PRRC2B: variants seen among roughly 807,000 people sequenced by gnomAD.
PRRC2B encodes the protein protein PRRC2B.
PRRC2B carries 68 observed loss-of-function variants against 242.3 expected under a neutral mutation model. That is an observed-to-expected ratio of 0.28 (90% CI 0.23 to 0.34). The LOEUF (loss-of-function observed/expected upper bound fraction) is 0.34, where lower values mean the gene tolerates loss of function less well. PRRC2B is among the 10% of genes least tolerant of loss of function. The pLI, the probability that PRRC2B is intolerant of heterozygous loss-of-function variation, is 1.00. For synonymous variants in PRRC2B, 1,228 were observed against 1,173.6 expected (o/e 1.05, Z -0.95); for missense variants, 2,835 against 2,954.8 (o/e 0.96, Z 0.94).
chr9:131,471,296 A>C (rs542802446), intron 14 of PRRC2B, among the ~76,000 whole-genome samples: 189 of 152,222 alleles, frequency 1.2e-3, no homozygotes, highest in African/African-American at 4.5e-3. Flanking sequence ...TTCTTTGATT[A>C]GTCTTTCCCA....
At chr9:131,404,686 T>C (rs532701710) in intron 1 of PRRC2B, among the ~76,000 whole-genome samples, 3 of 152,348 alleles carry the variant, frequency 2.0e-5, no homozygotes, top group South Asian at 4.1e-4. Context: ...AGCATGCTGC[T>C]GCCCTTTCAC....
At chr9:131,410,629 C>T (rs1355348417) in intron 1 of PRRC2B, among the ~76,000 whole-genome samples, 1 of 152,222 alleles carries the variant, frequency 6.6e-6, no homozygotes, top group African/African-American at 2.4e-5. Flanking sequence ...CTTGCGGAGC[C>T]TTCATGTCTA....
At chr9:131,404,159 G>A (rs1837300102) in intron 1 of PRRC2B, among the ~76,000 whole-genome samples, 1 of 151,102 alleles carries the variant, frequency 6.6e-6, no homozygotes, top group Admixed American at 6.6e-5. Context: ...AAATATACAG[G>A]TGTGTAAAAG....
intron 1 of PRRC2B, among the ~76,000 whole-genome samples, chr9:131,377,013 AAAT>A (rs1366053356): frequency 6.6e-6 from 1 of 152,200 alleles, no homozygotes; most frequent in African/African-American, 2.4e-5. Context: ...TCCGTTGAAA[AAAT>A]AAATAAAAAA....
intron 1 of PRRC2B, among the ~76,000 whole-genome samples, chr9:131,408,980 A>C (rs566715407): frequency 2.0e-5 from 3 of 149,244 alleles, no homozygotes; most frequent in African/African-American, 2.5e-5. Flanking sequence ...CGGCCTCCCA[A>C]AGTGCTGGGA....
At chr9:131,422,960 C>G (rs1376942299) in intron 1 of PRRC2B, among the ~76,000 whole-genome samples, 4 of 152,164 alleles carry the variant, frequency 2.6e-5, no homozygotes, top group African/African-American at 9.7e-5. Flanking sequence ...TCAGAATGCT[C>G]TAGCTCCCCG....
intron 25 of PRRC2B, 75 bp downstream of exon 25, chr9:131,485,215 A>G: frequency 8.1e-7 from 1 of 1,239,598 alleles, no homozygotes; most frequent in African/African-American, 1.5e-5. Flanking sequence ...ACAGCCCCGA[A>G]TGTCACCTCC....
intron 6 of PRRC2B, among the ~76,000 whole-genome samples, 193 bp downstream of exon 6, chr9:131,444,521 T>C (rs1838723649): frequency 6.6e-6 from 1 of 152,142 alleles, no homozygotes. Flanking sequence ...CCTTGTGCCT[T>C]TTTTGTCTCT....
chr9:131,477,711 G>T, intron 16 of PRRC2B, 33 bp from the exon 17 acceptor site: 1 of 1,402,868 alleles, frequency 7.1e-7, no homozygotes, highest in Non-Finnish European at 9.9e-7. Flanking sequence ...TCCTTCCCCA[G>T]CTCTGGTTAA....
intron 13 of PRRC2B, 142 bp downstream of exon 13, chr9:131,467,895 G>A (rs149955813): frequency 3.8e-5 from 30 of 782,094 alleles, no homozygotes; most frequent in Admixed American, 5.8e-5. Flanking sequence ...CAGTGGGGAC[G>A]TCAGGAGTTG....
chr9:131,443,041 T>C (rs1838655485), intron 5 of PRRC2B, among the ~76,000 whole-genome samples: 1 of 152,252 alleles, frequency 6.6e-6, no homozygotes, highest in African/African-American at 2.4e-5. Context: ...GTTACTCATG[T>C]GTATAAATCT....
At chr9:131,378,260 G>T (rs1193963450) in intron 1 of PRRC2B, among the ~76,000 whole-genome samples, 1 of 147,336 alleles carries the variant, frequency 6.8e-6, no homozygotes, top group Non-Finnish European at 1.5e-5. Flanking sequence ...AGTGAGCAGA[G>T]ATTGCACCAT....
intron 14 of PRRC2B, among the ~76,000 whole-genome samples, chr9:131,472,611 A>C (rs1588272129): frequency 6.6e-6 from 1 of 150,444 alleles, no homozygotes; most frequent in South Asian, 2.1e-4. Context: ...TGAGTAGCTG[A>C]GATTACAGGC....
chr9:131,447,010 A>G, intron 7 of PRRC2B, 75 bp from the exon 8 acceptor site: 1 of 1,586,104 alleles, frequency 6.3e-7, no homozygotes, highest in Non-Finnish European at 8.6e-7. Context: ...ACTTTATAAA[A>G]CACATTCTGA....
In PRRC2B at chr9:131,472,793, A is replaced by ATAT. The variant is rs1474181835; in HGVS notation, c.2108-713_2108-711dup. Among the ~76,000 whole-genome samples the ATAT allele has an allele frequency of 8.5e-5, 13 of 152,170 alleles. No individual in the cohort carries two copies. In the East Asian group the frequency reaches 2.5e-3, roughly 29 times the overall value. ...CATGCCCAGCCTTATTGGGATTATT[A>ATAT]TATTTAGATATTCCAACTATGATAT... On this transcript the variant is annotated intron_variant, in intron 14 of 31. Coordinates refer to ENST00000683519, the MANE Select transcript of PRRC2B (RefSeq NM_013318.4).
At chr9:131,410,376 A>T in intron 1 of PRRC2B, among the ~76,000 whole-genome samples, 1 of 152,198 alleles carries the variant, frequency 6.6e-6, no homozygotes, top group South Asian at 2.1e-4. Context: ...ACCGCAGGCC[A>T]GGCCTGCACT....
At chr9:131,375,416 T>G (rs571606810) in intron 1 of PRRC2B, among the ~76,000 whole-genome samples, 26 of 151,694 alleles carry the variant, frequency 1.7e-4, no homozygotes, top group African/African-American at 6.3e-4. Flanking sequence ...ATAAAAAAAA[T>G]AAAAAAATAA....
At chr9:131,376,006 G>A (rs1203084929) in intron 1 of PRRC2B, among the ~76,000 whole-genome samples, 1 of 139,038 alleles carries the variant, frequency 7.2e-6, no homozygotes, top group African/African-American at 2.8e-5. Flanking sequence ...CTGAGATCTC[G>A]CCACTGCACT....
chr9:131,376,353 C>CAAA lies in PRRC2B; in HGVS notation c.-56+2635_-56+2637dup, dbSNP rs34978838. ...TGGGTGACAGAGTGAGACTCCATCT[C>CAAA]AAAAAAAAAAAAAAAGGATGAAATG... is the stretch of plus-strand genomic sequence containing the variant. On this transcript the variant is annotated intron_variant, in intron 1 of 1. Coordinates refer to the PRRC2B transcript ENST00000682525. Among the ~76,000 whole-genome samples the CAAA allele has an allele frequency of 4.7e-3, 526 of 112,496 alleles. 12 individuals are homozygous for CAAA. Among genetic ancestry groups the CAAA allele is most frequent in the Admixed American group, 0.034 (369 of 10,816 alleles). The allele number at this position is 112,496 out of a possible 152,430, so 73.8% of individuals were successfully genotyped here. A position where few individuals can be genotyped will look rare whatever the true frequency, so the allele number is the denominator to read the frequency against.
Sources: allele counts gnomAD v4.1 joint callset (sites outside exome capture counted in the v4.1 genomes callset), GRCh38; gene constraint gnomAD v4.1.1; transcripts MANE v1.5; gene names NCBI Gene and HGNC (gene_info 2026-07-23, HGNC 2026-07-21).